KDM6B: variants seen among roughly 807,000 people sequenced by gnomAD.
The protein encoded by KDM6B is lysine demethylase 6B, also known as lysine-specific demethylase 6B.
In KDM6B, 22 loss-of-function variants were observed where a neutral mutation model predicts 150.4. That is an observed-to-expected ratio of 0.15 (90% CI 0.10 to 0.21). KDM6B has a LOEUF of 0.21. Ranked by LOEUF, KDM6B falls within the 10% of genes least tolerant of loss-of-function variation. The pLI is 1.00. For missense variants in KDM6B, 1,984 were observed against 2,234.3 expected, an observed-to-expected ratio of 0.89 and a Z score of 2.26; for synonymous variants, 1,148 against 921.1, an observed-to-expected ratio of 1.25 and a Z score of -4.46.
intron 14 of KDM6B, among the ~76,000 whole-genome samples, chr17:7,850,422 A>C (rs576543272): frequency 5.9e-5 from 9 of 152,242 alleles, no homozygotes; most frequent in Non-Finnish European, 1.2e-4. Context: ...GAAGAGAATA[A>C]TACAGATTTT....
At chr17:7,834,942 C>T (rs541017028) in intron 1 of KDM6B, among the ~76,000 whole-genome samples, 39 of 152,170 alleles carry the variant, frequency 2.6e-4, no homozygotes, top group African/African-American at 7.0e-4. Flanking sequence ...GTCCTTCTCC[C>T]ACTCCGCCGT....
At position 7,847,559 on chromosome 17, in the gene KDM6B, A is replaced by G; in HGVS notation, c.1271A>G (p.His424Arg). Residue 424 changes from histidine to arginine, a missense_variant, in exon 12 of 24, where the codon CAT becomes CGT. His to Arg is a conservative substitution (Grantham distance 29). Around this residue, in one of 13 missense-constraint regions of KDM6B, gnomAD observed 1,379 missense variants for 1,275.6 expected, o/e 1.08. Coordinates refer to ENST00000448097, the MANE Select transcript of KDM6B (RefSeq NM_001348716.2). Reference protein sequence around the residue: ...EPNPGIPGADHYQTPALEVSH... With the variant: ...EPNPGIPGADRYQTPALEVSH... ...CTACACTTGCAGCCCGGCGCTGACCATTACCAAACTCCCGCGCTGGAGGTC... is the reference window on the plus strand; with the variant it reads ...CTACACTTGCAGCCCGGCGCTGACCGTTACCAAACTCCCGCGCTGGAGGTC... 6.2e-7 allele frequency: 1 copy of G among 1,613,064 alleles called. No individual in the cohort carries two copies.
Position 7,848,004 on chromosome 17 carries a change from C to T in KDM6B, c.1716C>T (p.Pro572=). ...SSSPAGPVSF[P]PPPYLARSID... is the part of the protein sequence containing the mutation. ...GCCCTGCTGGGCCTGTGTCCTTTCCCCCACCACCCTATCTGGCCAGAAGTA... is the reference window on the plus strand; with the variant it reads ...GCCCTGCTGGGCCTGTGTCCTTTCCTCCACCACCCTATCTGGCCAGAAGTA... The change falls in exon 12 of 24, where the codon CCC becomes CCT. Residue 572 remains proline, a synonymous_variant. Coordinates refer to ENST00000448097, the MANE Select transcript of KDM6B (RefSeq NM_001348716.2). The T allele has an allele frequency of 4.3e-6, 7 of 1,612,894 alleles. No individual in the cohort carries two copies. The highest frequency in any genetic ancestry group is 1.3e-5 in the African/African-American group (1 of 74,780).
intron 6 of KDM6B, 36 bp from the exon 7 acceptor site, chr17:7,846,042 A>T: frequency 7.3e-7 from 1 of 1,373,144 alleles, no homozygotes; most frequent in Middle Eastern, 2.1e-4. Flanking sequence ...CTCAAGCCCA[A>T]CCCCCACCCA....
At position 7,852,224 on chromosome 17, in the gene KDM6B, C is replaced by T; in HGVS notation, c.4356C>T (p.Tyr1452=). 1 of 1,614,150 alleles carries T rather than the reference C, an allele frequency of 6.2e-7. No homozygotes were observed. Among genetic ancestry groups the T allele is most frequent in the South Asian group, 1.1e-5 (1 of 91,086 alleles). The change falls in exon 20 of 24, where the codon TAC becomes TAT. Residue 1452 remains tyrosine, a synonymous_variant. Coordinates refer to ENST00000448097, the MANE Select transcript of KDM6B (RefSeq NM_001348716.2). ...DDLYASNIPV[Y]RFVQRPGDLV... ...TCTATGCATCCAATATTCCTGTGTA[C>T]CGCTTCGTGCAGCGACCCGGAGACC...
In KDM6B at chr17:7,848,098, C is replaced by T; in HGVS notation, c.1810C>T (p.Leu604Phe). The part of the protein sequence containing the change: ...PQDPPLVPLT[L>F]ALPPAPPSSC... ...GGACCCACCTCTTGTACCCCTGACTCTTGCCCTGCCTCCAGCCCCTCCTTC... is the reference window on the plus strand; with the variant it reads ...GGACCCACCTCTTGTACCCCTGACTTTTGCCCTGCCTCCAGCCCCTCCTTC... The change falls in exon 12 of 24, where the codon CTT becomes TTT. Residue 604 changes from leucine to phenylalanine, a missense_variant. Transcript: ENST00000448097. 4.3e-6 allele frequency: 7 copies of T among 1,612,878 alleles called. No individual in the cohort carries two copies. The highest frequency in any genetic ancestry group is 5.9e-6 in the Non-Finnish European group (7 of 1,179,756).
chr17:7,847,921 A>G lies in KDM6B; in HGVS notation c.1633A>G (p.Thr545Ala), dbSNP rs559831036. Residue 545 changes from threonine to alanine, a missense_variant, in exon 12 of 24, where the codon ACT (threonine) becomes GCT (alanine). This residue lies in a region of KDM6B where 1,379 missense variants were observed against 1,275.6 expected (regional missense o/e 1.08). Transcript: ENST00000448097. ...CACTCAGGATTCTCACACCCCTCCC[A>G]CTCCCCCAACCCCAACCACCAGCAG... ...VGTQDSHTPP[T>A]PPTPTTSSSN... 3.1e-6 allele frequency: 4 copies of G among 1,294,710 alleles called. No individual in the cohort carries two copies. The South Asian group carries it at 3.5e-5, about 11-fold the overall frequency. The allele number at this position is 1,294,710 out of a possible 1,614,324, so 80.2% of individuals were successfully genotyped here.
At chr17:7,847,080 C>T (rs775136059) in intron 10 of KDM6B, 25 bp from the exon 11 acceptor site, 10 of 1,611,082 alleles carry the variant, frequency 6.2e-6, no homozygotes, top group African/African-American at 2.7e-5. Flanking sequence ...ATTCCTCATC[C>T]TGCATCCCTG....
At chr17:7,852,096 C>G in intron 19 of KDM6B, 31 bp downstream of exon 19, 1 of 1,613,366 alleles carries the variant, frequency 6.2e-7, no homozygotes, top group African/African-American at 1.3e-5. Context: ...GTCAGACTGC[C>G]GCGTCCCCGC....
Position 7,848,412 on chromosome 17 carries a change from G to A in KDM6B, c.2124G>A (p.Lys708=). 1 of 1,613,116 alleles carries A rather than the reference G, an allele frequency of 6.2e-7. No individual in the cohort carries two copies. Among genetic ancestry groups the A allele is most frequent in the Non-Finnish European group, 8.5e-7 (1 of 1,180,014 alleles). Reference sequence around the variant, plus strand: ...AGATGCTGGACGAATCCATTCGCAAGGAAGAGGAACAGCAACAACACGAAG... The same window carrying A: ...AGATGCTGGACGAATCCATTCGCAAAGAAGAGGAACAGCAACAACACGAAG... ...IMKMLDESIR[K]EEEQQQHEAG... is the part of the protein sequence containing the mutation. Residue 708 remains lysine, a synonymous_variant, in exon 12 of 24, where the codon AAG becomes AAA. Transcript: ENST00000448097.
Position 7,852,613 on chromosome 17 carries a change from C to T in KDM6B, c.4587C>T (p.Asp1529=). 1 of 1,614,092 alleles carries T rather than the reference C, an allele frequency of 6.2e-7. No homozygotes were observed. The highest frequency in any genetic ancestry group is 8.5e-7 in the Non-Finnish European group (1 of 1,180,042). Residue 1529 remains aspartate (D), a synonymous_variant, in exon 21 of 24, where the codon GAC becomes GAT. Transcript: ENST00000448097. ...WNVARTVKIS[D]PDLFKMIKFC... ...TGGCTCGCACGGTCAAAATCAGCGACCCCGACTTGTTCAAGATGATCAAGT... is the reference window on the plus strand; with the variant it reads ...TGGCTCGCACGGTCAAAATCAGCGATCCCGACTTGTTCAAGATGATCAAGT...
In KDM6B at chr17:7,847,720, C is replaced by G; in HGVS notation, c.1432C>G (p.Arg478Gly). ...PPPPPCPRLL[R>G]PPPPPAWLKG... ...TCCACCCCCCTGTCCCCGCCTCTTA[C>G]GCCCCCCACCACCCCCTGCCTGGTT... The change falls in exon 12 of 24, where the codon CGC (arginine) becomes GGC (glycine). Residue 478 changes from arginine (R) to glycine (G), a missense_variant. Arg to Gly is a moderately radical substitution (Grantham distance 125). Around this residue, in one of 13 missense-constraint regions of KDM6B, gnomAD observed 1,379 missense variants for 1,275.6 expected, o/e 1.08. Coordinates refer to ENST00000448097, the MANE Select transcript of KDM6B (RefSeq NM_001348716.2). 7.9e-7 allele frequency: 1 copy of G among 1,265,412 alleles called. No individual in the cohort carries two copies. Among genetic ancestry groups the G allele is most frequent in the African/African-American group, 1.8e-5 (1 of 54,684 alleles). The allele number at this position is 1,265,412 out of a possible 1,614,324, so 78.4% of individuals were successfully genotyped here.
chr17:7,851,094 G>C lies in KDM6B; in HGVS notation c.3747G>C (p.Val1249=). 1 of 1,613,664 alleles carries C rather than the reference G, an allele frequency of 6.2e-7. No homozygotes were observed. Among genetic ancestry groups the C allele is most frequent in the Non-Finnish European group, 8.5e-7 (1 of 1,180,040 alleles). The change falls in exon 15 of 24, where the codon GTG becomes GTC. Residue 1249 remains valine, a synonymous_variant. Coordinates refer to ENST00000448097, the MANE Select transcript of KDM6B (RefSeq NM_001348716.2). ...ACACCGTGGAAGTTCGCACCCAGGT[G>C]CAGCAGCCCTCAGATGAGAACTGGG... The part of the protein sequence containing the change: ...GEHTVEVRTQ[V]QQPSDENWDL...
chr17:7,852,682 C>T (rs750692409), intron 21 of KDM6B, 46 bp downstream of exon 21: 170 of 1,612,024 alleles, frequency 1.1e-4, no homozygotes, highest in Non-Finnish European at 1.3e-4. Context: ...TGACTGGTCC[C>T]TTTTCTTGTT....
In KDM6B at chr17:7,853,201, C is replaced by G; in HGVS notation, c.4738-9C>G. The G allele has an allele frequency of 6.2e-7, 1 of 1,613,470 alleles. No individual in the cohort carries two copies. Among genetic ancestry groups the G allele is most frequent in the African/African-American group, 1.3e-5 (1 of 75,058 alleles). On this transcript the variant is annotated splice_polypyrimidine_tract_variant and intron_variant, in intron 22 of 23. Transcript: ENST00000448097. ...CCTCCCCCTGACTGCACTGTCCTCC[C>G]TGCCCCAGGTGGAGGTGTTTAACAT...
intron 1 of KDM6B, among the ~76,000 whole-genome samples, chr17:7,838,322 T>G (rs964295164): frequency 5.0e-3 from 11 of 2,208 alleles, no homozygotes; most frequent in Non-Finnish European, 6.9e-3. Context: ...GAGGAGGAGG[T>G]GGAGGAGGAG....
rs2151381074 is a variant in KDM6B at position 7,854,441 on chromosome 17, T to G, written c.*920T>G. 6.6e-6 allele frequency: 1 copy of G among 152,378 alleles called. No homozygotes were observed. The highest frequency in any genetic ancestry group is 2.4e-5 in the African/African-American group (1 of 41,508). 9.4% of individuals were successfully genotyped at this position (152,378 alleles called of 1,614,324 possible). A position where few individuals can be genotyped will look rare whatever the true frequency, so the allele number is the denominator to read the frequency against. On this transcript the variant is annotated 3_prime_UTR_variant, in exon 24 of 24. Coordinates refer to ENST00000448097, the MANE Select transcript of KDM6B (RefSeq NM_001348716.2). ...TAAATAAAATAAAAAAATTAAAGGT[T>G]TTAAAGAAAGAACTATGAGGAAAAG...
chr17:7,848,135 A>G lies in KDM6B; in HGVS notation c.1847A>G (p.Gln616Arg). The G allele has an allele frequency of 6.2e-7, 1 of 1,612,060 alleles. No homozygotes were observed. The highest frequency in any genetic ancestry group is 8.5e-7 in the Non-Finnish European group (1 of 1,179,686). The part of the protein sequence containing the change: ...LPPAPPSSCH[Q>R]NTSGSFRRPE... ...CCAGCCCCTCCTTCCTCCTGCCACC[A>G]AAATACCTCAGGAAGCTTCAGGCGC... The change falls in exon 12 of 24, where the codon CAA (glutamine) becomes CGA (arginine). Residue 616 changes from glutamine (Q) to arginine (R), a missense_variant. Physicochemically the swap from Gln to Arg is conservative, Grantham distance 43 (BLOSUM62 1). Transcript: ENST00000448097.
At position 7,848,779 on chromosome 17, in the gene KDM6B, C is replaced by T; in HGVS notation, c.2491C>T (p.Pro831Ser). ...AGCAGCTGTTTCCACCCGGCCTGGG[C>T]CCTTGCCCACCACTCAGTATTCCCC... ...TGAAVSTRPG[P>S]LPTTQYSPGP... is the part of the protein sequence containing the mutation. Residue 831 changes from proline (P) to serine (S), a missense_variant, in exon 12 of 24, where the codon CCC (proline) becomes TCC (serine). Coordinates refer to ENST00000448097, the MANE Select transcript of KDM6B (RefSeq NM_001348716.2). 6.2e-7 allele frequency: 1 copy of T among 1,612,840 alleles called. No individual in the cohort carries two copies. Among genetic ancestry groups the T allele is most frequent in the Non-Finnish European group, 8.5e-7 (1 of 1,180,002 alleles).
Sources: gnomAD v4.1 joint callset for allele counts (sites outside exome capture counted in the v4.1 genomes callset) on GRCh38, gnomAD v4.1.1 for gene constraint, gnomAD v4.1.1 regional missense constraint, MANE v1.5 for transcripts, NCBI Gene and HGNC (gene_info 2026-07-23, HGNC 2026-07-21) for gene names.